The following CTBP2 variants were observed in gnomAD, a reference collection of about 807,000 sequenced individuals.
CTBP2 encodes C-terminal-binding protein 2.
In CTBP2, 30 loss-of-function variants were observed where a neutral mutation model predicts 80.3. That is an observed-to-expected ratio of 0.37 (90% confidence interval 0.28 to 0.51). The LOEUF is 0.51. Ranked by LOEUF, CTBP2 falls within the 20% of genes least tolerant of loss-of-function variation. CTBP2 has a pLI of 0.93. For synonymous variants in CTBP2, 594 were observed against 587.4 expected (o/e 1.01, Z -0.16); for missense variants, 1,212 against 1,375.3 (o/e 0.88, Z 1.88).
At chr10:124,990,609 G>T (rs976696882) in intron 8 of CTBP2, among the ~76,000 whole-genome samples, 24 of 152,196 alleles carry the variant, frequency 1.6e-4, no homozygotes, top group Non-Finnish European at 3.5e-4. Flanking sequence ...CTGATAAAAT[G>T]ATTTCCCAAC....
At chr10:125,131,668 G>T (rs983952703) in intron 1 of CTBP2, among the ~76,000 whole-genome samples, 2 of 152,156 alleles carry the variant, frequency 1.3e-5, no homozygotes, top group East Asian at 1.9e-4. Flanking sequence ...CAACACATTA[G>T]AATTTGATTT....
intron 1 of CTBP2, among the ~76,000 whole-genome samples, chr10:125,025,350 C>T (rs575348386): frequency 2.0e-5 from 3 of 152,346 alleles, no homozygotes; most frequent in South Asian, 4.1e-4. Context: ...AGGAAACACA[C>T]GCCATAAATC....
rs568320489 is a variant in CTBP2, at chr10:125,098,940, G to A, written c.-102+12050C>T. On this transcript the variant is annotated intron_variant, in intron 2 of 10. Transcript: ENST00000337195. ...CCCCACCACTGGGTGTGTGGGGAAT[G>A]GAACTGCAAAGCTTACAATAAACTC... is the stretch of plus-strand genomic sequence containing the variant. Among the ~76,000 whole-genome samples, 22 of 152,252 alleles carry A rather than the reference G, an allele frequency of 1.4e-4. 1 individual carries two copies. The East Asian group carries it at 4.3e-3, about 30-fold the overall frequency.
At chr10:125,158,585 C>G (rs1238304880) in intron 1 of CTBP2, 1 of 152,208 alleles carries the variant, frequency 6.6e-6, no homozygotes, top group Non-Finnish European at 1.5e-5. Flanking sequence ...TTAACCCGAT[C>G]TCCAATCTTT....
At chr10:125,091,314 T>C (rs1351040240) in intron 2 of CTBP2, among the ~76,000 whole-genome samples, 1 of 152,190 alleles carries the variant, frequency 6.6e-6, no homozygotes, top group African/African-American at 2.4e-5. Flanking sequence ...TCAGATGCAC[T>C]TGTACGTCCT....
chr10:125,041,911 C>T (rs913026883), intron 2 of CTBP2, among the ~76,000 whole-genome samples: 5 of 150,582 alleles, frequency 3.3e-5, no homozygotes, highest in East Asian at 3.9e-4. Flanking sequence ...CTTCCACAAA[C>T]GCCAATATTC....
chr10:125,029,098 G>T (rs764148325), upstream of CTBP2, among the ~76,000 whole-genome samples: 4 of 152,206 alleles, frequency 2.6e-5, no homozygotes, highest in Non-Finnish European at 5.9e-5. Flanking sequence ...TGTATACATT[G>T]AAAGCACTTT....
intron 1 of CTBP2, among the ~76,000 whole-genome samples, chr10:125,118,429 T>C (rs1026689993): frequency 3.3e-5 from 5 of 152,174 alleles, no homozygotes; most frequent in Admixed American, 2.6e-4. Context: ...CGGGTGCTGC[T>C]GATCGGGGCT....
chr10:124,993,806 T>A, intron 6 of CTBP2, 49 bp downstream of exon 8: 1 of 1,576,972 alleles, frequency 6.3e-7, no homozygotes, highest in Non-Finnish European at 8.6e-7. Context: ...GGGTCAGGTG[T>A]GGAGCTGGGC....
chr10:125,137,906 G>A (rs184943606), intron 1 of CTBP2: 2 of 152,288 alleles, frequency 1.3e-5, no homozygotes, highest in Admixed American at 6.5e-5. Flanking sequence ...ACTCACTCAC[G>A]TGGCCTCTGA....
intron 8 of CTBP2, among the ~76,000 whole-genome samples, chr10:124,989,932 T>C (rs1032477732): frequency 5.9e-5 from 9 of 151,944 alleles, no homozygotes; most frequent in African/African-American, 2.2e-4. Context: ...GAGATGCGGT[T>C]TTGCCAGACT....
chr10:125,078,059 T>C (rs562281508), intron 2 of CTBP2, among the ~76,000 whole-genome samples: 72 of 151,970 alleles, frequency 4.7e-4, no homozygotes, highest in African/African-American at 1.7e-3. Context: ...GACGGGCAGA[T>C]CACGAGGTCA....
chr10:125,135,917 C>T (rs1856903300), intron 1 of CTBP2, among the ~76,000 whole-genome samples: 1 of 152,138 alleles, frequency 6.6e-6, no homozygotes, highest in African/African-American at 2.4e-5. Flanking sequence ...TGTGGGGCAG[C>T]GAAGTTAGGA....
intron 2 of CTBP2, among the ~76,000 whole-genome samples, chr10:125,086,751 T>C (rs999300959): frequency 2.6e-5 from 4 of 151,974 alleles, no homozygotes; most frequent in Non-Finnish European, 4.4e-5. Flanking sequence ...TTCCCAAGAA[T>C]TGTGAGAATT....
intron 2 of CTBP2, among the ~76,000 whole-genome samples, chr10:125,095,382 C>CG (rs1449574359): frequency 6.6e-6 from 1 of 152,158 alleles, no homozygotes; most frequent in Non-Finnish European, 1.5e-5. Context: ...TCTGGAGTTA[C>CG]GCAGCCCAGC....
intron 1 of CTBP2, among the ~76,000 whole-genome samples, chr10:125,017,722 C>G (rs74163309): frequency 6.6e-6 from 1 of 152,208 alleles, no homozygotes; most frequent in African/African-American, 2.4e-5. Flanking sequence ...AGTTTGGCCC[C>G]GCAGTCGGAG....
chr10:125,134,199 G>A (rs1262209427), intron 1 of CTBP2, among the ~76,000 whole-genome samples: 2 of 152,180 alleles, frequency 1.3e-5, no homozygotes, highest in Non-Finnish European at 2.9e-5. Context: ...CAGCCAACAT[G>A]ACCAACATCA....
exon 2 of CTBP2, chr10:125,111,079 T>G (rs1224011625): frequency 6.6e-6 from 1 of 152,656 alleles, no homozygotes; most frequent in Non-Finnish European, 1.5e-5. Context: ...CAAAACCATT[T>G]AAGGTGATGA....
At chr10:125,019,288 CTAAT>C (rs1259850254) in intron 1 of CTBP2, among the ~76,000 whole-genome samples, 1 of 152,140 alleles carries the variant, frequency 6.6e-6, no homozygotes, top group Admixed American at 6.5e-5. Flanking sequence ...CTAACGTGGG[CTAAT>C]TAGTTATGGA....
Sources: gnomAD v4.1 joint callset for allele counts (sites outside exome capture counted in the v4.1 genomes callset) on GRCh38, gnomAD v4.1.1 for gene constraint, MANE v1.5 for transcripts, NCBI Gene and HGNC (gene_info 2026-07-23, HGNC 2026-07-21) for gene names.